Variants in KIF7 observed in about 807,000 individuals in gnomAD.
KIF7 encodes kinesin family member 7.
In KIF7, 104 loss-of-function variants were observed where a neutral mutation model predicts 135.7. The observed-to-expected ratio is 0.77, with a 90% CI of 0.65 to 0.90. The LOEUF is 0.90. KIF7 is among the 40% of genes least tolerant of loss of function. The pLI, the probability that KIF7 is intolerant of heterozygous loss-of-function variation, is 0.00. For missense variants in KIF7, 2,005 were observed against 1,839.1 expected, an observed-to-expected ratio of 1.09 and a Z score of -1.65; for synonymous variants, 883 against 809.4, an observed-to-expected ratio of 1.09 and a Z score of -1.54.
downstream of KIF7, chr15:89,625,618 T>C (rs1963507883): frequency 6.2e-7 from 1 of 1,613,066 alleles, no homozygotes; most frequent in Admixed American, 1.7e-5. Flanking sequence ...ACAGTTTGGG[T>C]TGAGTTCCAG....
Position 89,631,345 on chromosome 15 carries a change from C to T in KIF7, c.3111+150G>A, listed in dbSNP as rs556563426. ...GGGGCAGAAGGGCCAGGCCAGCCCT[C>T]CCCAGCCCCCACCTCCACCTAACAG... is the stretch of plus-strand genomic sequence containing the variant. On this transcript the variant is annotated intron_variant, in intron 15 of 18. Coordinates refer to ENST00000394412, the MANE Select transcript of KIF7 (RefSeq NM_198525.3). The T allele has an allele frequency of 4.3e-5, 31 of 719,942 alleles. No individual in the cohort carries two copies. The South Asian group carries it at 5.0e-4, about 12-fold the overall frequency. 44.6% of individuals were successfully genotyped at this position (719,942 alleles called of 1,614,324 possible). A position where few individuals can be genotyped will look rare whatever the true frequency, so the allele number is the denominator to read the frequency against.
upstream of KIF7, among the ~76,000 whole-genome samples, chr15:89,660,131 G>A (rs1964243804): frequency 6.6e-6 from 1 of 152,184 alleles, no homozygotes; most frequent in South Asian, 2.1e-4. Context: ...CTGGGAGGTG[G>A]GGGTTGAAGT....
intron 11 of KIF7, among the ~76,000 whole-genome samples, chr15:89,641,624 A>C (rs1455824924): frequency 1.3e-5 from 2 of 152,046 alleles, no homozygotes; most frequent in Non-Finnish European, 2.9e-5. Context: ...TAACATGGAG[A>C]AACCCCGTCT....
At chr15:89,656,697 T>C (rs987350849), upstream of KIF7, among the ~76,000 whole-genome samples, 5 of 152,168 alleles carry the variant, frequency 3.3e-5, no homozygotes, top group African/African-American at 1.2e-4. Context: ...CATCTATCTG[T>C]CAGATGCCAG....
rs1285971751 is a variant in KIF7, at chr15:89,652,750, G to C, written c.181C>G (p.Leu61Val). ...RDRHFGFHVVLAEDAGQEAVY... is the reference protein window; with the variant it reads ...RDRHFGFHVVVAEDAGQEAVY... ...GCCTCCTGCCCCGCATCCTCGGCCA[G>C]CACCACGTGGAAGCCAAAGTGTCGG... is the stretch of plus-strand genomic sequence containing the variant. The change falls in exon 2 of 19, where the codon CTG becomes GTG. Residue 61 changes from leucine to valine, a missense_variant. Physicochemically the swap from Leu to Val is conservative, Grantham distance 32 (BLOSUM62 1). Coordinates refer to ENST00000394412, the MANE Select transcript of KIF7 (RefSeq NM_198525.3). 1.9e-6 allele frequency: 3 copies of C among 1,551,566 alleles called. No individual in the cohort carries two copies. The African/African-American group carries it at 4.1e-5, about 21-fold the overall frequency.
chr15:89,619,575 C>T (rs1963390423), intron 1 of KIF7: 1 of 934,410 alleles, frequency 1.1e-6, no homozygotes, highest in Non-Finnish European at 1.6e-6. Flanking sequence ...TCAGAAGTCT[C>T]TTAAAGCTAA....
At chr15:89,651,282 TA>T (rs1240126679) in intron 2 of KIF7, among the ~76,000 whole-genome samples, 2 of 152,082 alleles carry the variant, frequency 1.3e-5, no homozygotes, top group Non-Finnish European at 2.9e-5. Flanking sequence ...TGTATTTTAG[TA>T]GAGACAGGGT....
intron 2 of KIF7, among the ~76,000 whole-genome samples, chr15:89,617,420 C>G (rs1378168873): frequency 6.6e-6 from 1 of 152,126 alleles, no homozygotes; most frequent in Non-Finnish European, 1.5e-5. Flanking sequence ...CTGTGATAGT[C>G]TGATAGTTTG....
chr15:89,657,827 G>T (rs1482759800), upstream of KIF7, among the ~76,000 whole-genome samples: 1 of 152,202 alleles, frequency 6.6e-6, no homozygotes, highest in Non-Finnish European at 1.5e-5. Flanking sequence ...TTGACAAGCT[G>T]ATTTTACTAC....
At chr15:89,624,885 G>A (rs750513492), downstream of KIF7, 1 of 1,614,048 alleles carries the variant, frequency 6.2e-7, no homozygotes, top group Non-Finnish European at 8.5e-7. Context: ...CCCGTGACGT[G>A]CACTGTACCA....
chr15:89,648,313 C>A lies in KIF7; in HGVS notation c.1385G>T (p.Ser462Ile), dbSNP rs1964053765. ...CTCGACGGAGGCGCTCTCGATGCCGCTATCGGGCCCGGAGGCGGAGCTCAG... is the reference window on the plus strand; with the variant it reads ...CTCGACGGAGGCGCTCTCGATGCCGATATCGGGCCCGGAGGCGGAGCTCAG... The part of the protein sequence containing the change: ...SALSSASGPD[S>I]GIESASVEDQ... Residue 462 changes from serine (S) to isoleucine (I), a missense_variant, in exon 5 of 19, where the codon AGC (serine) becomes ATC (isoleucine). Coordinates refer to ENST00000394412, the MANE Select transcript of KIF7 (RefSeq NM_198525.3). The A allele has an allele frequency of 5.3e-6, 8 of 1,513,868 alleles. No individual in the cohort carries two copies. The highest frequency in any genetic ancestry group is 6.2e-6 in the Non-Finnish European group (7 of 1,134,158). 93.8% of individuals were successfully genotyped at this position (1,513,868 alleles called of 1,614,324 possible).
At chr15:89,634,797 G>A (rs1963768607) in intron 11 of KIF7, among the ~76,000 whole-genome samples, 1 of 152,322 alleles carries the variant, frequency 6.6e-6, no homozygotes, top group South Asian at 2.1e-4. Flanking sequence ...CAAAGCAGCT[G>A]GGAAGCTCGA....
chr15:89,623,753 C>G, downstream of KIF7: 1 of 1,614,114 alleles, frequency 6.2e-7, no homozygotes, highest in Non-Finnish European at 8.5e-7. Context: ...ATGACCCCTA[C>G]AAAGCAGGCA....
downstream of KIF7, among the ~76,000 whole-genome samples, chr15:89,623,178 C>T (rs1184436628): frequency 1.3e-5 from 2 of 152,218 alleles, no homozygotes; most frequent in Non-Finnish European, 2.9e-5. Flanking sequence ...ATGCCCCCAA[C>T]ACACAGTGCC....
At chr15:89,635,779 C>T (rs1963794144) in intron 11 of KIF7, among the ~76,000 whole-genome samples, 1 of 152,072 alleles carries the variant, frequency 6.6e-6, no homozygotes, top group African/African-American at 2.4e-5. Flanking sequence ...GAGAACTTCC[C>T]CAATCTAGCA....
chr15:89,629,845 G>A lies in KIF7; in HGVS notation c.3319-272C>T, dbSNP rs1025688960. Reference sequence around the variant, plus strand: ...GGAGCTGGGCAGAGCGTCAAGTTGTGGGATTTCATCTAGACCAACCTCAGC... The same window carrying A: ...GGAGCTGGGCAGAGCGTCAAGTTGTAGGATTTCATCTAGACCAACCTCAGC... On this transcript the variant is annotated intron_variant, in intron 16 of 18. Transcript: ENST00000394412. The A allele has an allele frequency of 3.7e-4, 212 of 565,958 alleles. 2 individuals are homozygous for A. The highest frequency in any genetic ancestry group is 1.2e-4 in the Non-Finnish European group (38 of 317,328). The allele number at this position is 565,958 out of a possible 1,614,324, so 35.1% of individuals were successfully genotyped here.
At chr15:89,621,462 AG>A in intron 1 of KIF7, 14 of 1,614,184 alleles carry the variant, frequency 8.7e-6, no homozygotes, top group Non-Finnish European at 1.2e-5. Flanking sequence ...GCAATGTCTG[AG>A]ATGATCAGCC....
Position 89,628,975 on chromosome 15 carries a change from C to T in KIF7, c.3664+1G>A, listed in dbSNP as rs779849448. 9 of 1,613,748 alleles carry T rather than the reference C, an allele frequency of 5.6e-6. No individual in the cohort carries two copies. In the African/African-American group the frequency reaches 8.0e-5, roughly 14 times the overall value. On this transcript the variant is annotated splice_donor_variant, in intron 18 of 18. Coordinates refer to ENST00000394412, the MANE Select transcript of KIF7 (RefSeq NM_198525.3). LOFTEE classifies it high-confidence loss of function. ...GACTTCAGAGCGCGACGAGGAGTTA[C>T]CCCTGCTGTGGCCTACAGCGTTCAC...
At chr15:89,654,775 C>T (rs1415111897) in intron 1 of KIF7, among the ~76,000 whole-genome samples, 3 of 152,226 alleles carry the variant, frequency 2.0e-5, no homozygotes, top group African/African-American at 7.2e-5. Flanking sequence ...TCCTCACCCC[C>T]ACCGCCAGCC....
Sources: allele counts gnomAD v4.1 joint callset (sites outside exome capture counted in the v4.1 genomes callset), GRCh38; gene constraint gnomAD v4.1.1; transcripts MANE v1.5; gene names NCBI Gene and HGNC (gene_info 2026-07-23, HGNC 2026-07-21).